Variants in XYLB observed in about 807,000 individuals in gnomAD.
The protein encoded by XYLB is xylulose kinase.
XYLB carries 62 observed loss-of-function variants against 78.7 expected under a neutral mutation model. The ratio of observed to expected loss-of-function variants is 0.79; its 90% confidence interval spans 0.64 to 0.97. The LOEUF is 0.97. XYLB is among the 50% of genes least tolerant of loss of function. XYLB has a pLI of 0.00. For synonymous variants in XYLB, 245 were observed against 247.4 expected, an observed-to-expected ratio of 0.99 and a Z score of 0.09; for missense variants, 687 against 676.8, an observed-to-expected ratio of 1.02 and a Z score of -0.17.
At chr3:38,418,336 C>T (rs1379643290), downstream of XYLB, among the ~76,000 whole-genome samples, 1 of 151,894 alleles carries the variant, frequency 6.6e-6, no homozygotes, top group Admixed American at 6.6e-5. Flanking sequence ...GTTACCATGG[C>T]TGTGGAGAAA....
the XYLB span, among the ~76,000 whole-genome samples, chr3:38,433,464 C>T: frequency 5.9e-5 from 9 of 152,198 alleles, no homozygotes; most frequent in African/African-American, 2.2e-4. Flanking sequence ...TTTTTCTTTC[C>T]TATTGCATCA....
chr3:38,437,945 C>T, the XYLB span, among the ~76,000 whole-genome samples: 1 of 152,302 alleles, frequency 6.6e-6, no homozygotes, highest in Admixed American at 6.5e-5. Flanking sequence ...TGGTGTGCAC[C>T]TGTAGTCCCA....
Position 38,346,823 on chromosome 3 carries a change from T to C in XYLB, c.-46T>C, listed in dbSNP as rs1705082698. On this transcript the variant is annotated 5_prime_UTR_variant, in exon 1 of 19. Coordinates refer to ENST00000207870, the MANE Select transcript of XYLB (RefSeq NM_005108.4). ...GGAGCGCGGCGACTATCACGCCGCGTGGCGGACGGACGGACTGACGGACGC... is the reference window on the plus strand; with the variant it reads ...GGAGCGCGGCGACTATCACGCCGCGCGGCGGACGGACGGACTGACGGACGC... 6.8e-7 allele frequency: 1 copy of C among 1,469,164 alleles called. No individual in the cohort carries two copies. The highest frequency in any genetic ancestry group is 9.0e-7 in the Non-Finnish European group (1 of 1,107,334). The allele number at this position is 1,469,164 out of a possible 1,614,324, so 91.0% of individuals were successfully genotyped here. A position where few individuals can be genotyped will look rare whatever the true frequency, so the allele number is the denominator to read the frequency against.
At position 38,372,646 on chromosome 3, in the gene XYLB, G is replaced by A. The variant is rs370086994; in HGVS notation, c.766-9G>A. ...AACAGAGCACCTTTGCTTTGTCCCC[G>A]TCCCTCAGGGAGCCATTTCTTCCTA... On this transcript the variant is annotated splice_polypyrimidine_tract_variant and intron_variant, in intron 9 of 18. Coordinates refer to ENST00000207870, the MANE Select transcript of XYLB (RefSeq NM_005108.4). 2.1e-4 allele frequency: 334 copies of A among 1,613,940 alleles called. 1 individual carries two copies. Among genetic ancestry groups the A allele is most frequent in the Middle Eastern group, 1.6e-4 (1 of 6,084 alleles).
At chr3:38,418,807 GT>G (rs1338773472), downstream of XYLB, among the ~76,000 whole-genome samples, 3 of 152,140 alleles carry the variant, frequency 2.0e-5, no homozygotes. Context: ...CTTTAACCAT[GT>G]TTTGTAATAA....
At chr3:38,375,629 A>G (rs1257013500) in intron 12 of XYLB, among the ~76,000 whole-genome samples, 1 of 152,024 alleles carries the variant, frequency 6.6e-6, no homozygotes, top group Non-Finnish European at 1.5e-5. Context: ...CATGTGGTGG[A>G]CCCTCAGCAA....
At chr3:38,416,971 A>G (rs1035662645), downstream of XYLB, among the ~76,000 whole-genome samples, 21 of 152,378 alleles carry the variant, frequency 1.4e-4, no homozygotes, top group African/African-American at 4.6e-4. Flanking sequence ...TATGCAAGGA[A>G]AAATGAATAG....
At chr3:38,365,386 G>A (rs1290908898) in intron 5 of XYLB, 101 bp downstream of exon 5, 6 of 1,409,102 alleles carry the variant, frequency 4.3e-6, no homozygotes, top group Admixed American at 1.9e-5. Flanking sequence ...CTGTGCTCAC[G>A]CGCCCTCACC....
chr3:38,435,132 T>A, the XYLB span, among the ~76,000 whole-genome samples: 1 of 152,204 alleles, frequency 6.6e-6, no homozygotes, highest in East Asian at 1.9e-4. Context: ...TAAGACAGAC[T>A]GATCAAATAG....
the XYLB span, among the ~76,000 whole-genome samples, chr3:38,447,877 G>T: frequency 6.6e-6 from 1 of 151,994 alleles, no homozygotes; most frequent in African/African-American, 2.4e-5. Context: ...AACAGATAAA[G>T]AAAATGTAGT....
In XYLB at chr3:38,366,110, T is replaced by TAA. The variant is rs60182601; in HGVS notation, c.507+389_507+390dup. ...CACTTAGTGTAGTGCCTGGCAATGT[T>TAA]AAAAAAAAAAAAAAAAGGAAAAAAA... On this transcript the variant is annotated intron_variant, in intron 6 of 18. Coordinates refer to ENST00000207870, the MANE Select transcript of XYLB (RefSeq NM_005108.4). Among the ~76,000 whole-genome samples, 657 of 138,714 alleles carry TAA rather than the reference T, an allele frequency of 4.7e-3. 47 individuals are homozygous for TAA. The East Asian group carries it at 0.12, about 25-fold the overall frequency. The allele number at this position is 138,714 out of a possible 152,430, so 91.0% of individuals were successfully genotyped here.
chr3:38,413,111 T>G lies in XYLB; in HGVS notation c.*98T>G. On this transcript the variant is annotated 3_prime_UTR_variant, in exon 19 of 19. Transcript: ENST00000207870. Reference sequence around the variant, plus strand: ...GATCCACTTCTCTGTTCTGAACAGCTCTTCCTGCCCCTACTGACTCCTTGG... The same window carrying G: ...GATCCACTTCTCTGTTCTGAACAGCGCTTCCTGCCCCTACTGACTCCTTGG... The G allele has an allele frequency of 8.1e-7, 1 of 1,229,946 alleles. No individual in the cohort carries two copies. Among genetic ancestry groups the G allele is most frequent in the African/African-American group, 1.6e-5 (1 of 63,544 alleles). 76.2% of individuals were successfully genotyped at this position (1,229,946 alleles called of 1,614,324 possible).
chr3:38,441,818 T>A, the XYLB span, among the ~76,000 whole-genome samples: 1 of 152,234 alleles, frequency 6.6e-6, no homozygotes, highest in Admixed American at 6.5e-5. Context: ...TACTTAGGTA[T>A]GCCACTAGTT....
intron 15 of XYLB, among the ~76,000 whole-genome samples, chr3:38,381,453 A>G (rs1317688359): frequency 6.6e-6 from 1 of 152,222 alleles, no homozygotes; most frequent in African/African-American, 2.4e-5. Flanking sequence ...AAAGAACAGG[A>G]TAACAGCAAT....
chr3:38,391,646 T>C (rs1006182413), intron 15 of XYLB, among the ~76,000 whole-genome samples: 11 of 152,162 alleles, frequency 7.2e-5, no homozygotes, highest in Admixed American at 5.9e-4. Flanking sequence ...TGTTAAAAAC[T>C]TAATCCCCAA....
chr3:38,402,680 T>C (rs961845578), intron 18 of XYLB, among the ~76,000 whole-genome samples: 7 of 152,204 alleles, frequency 4.6e-5, no homozygotes, highest in African/African-American at 1.4e-4. Flanking sequence ...ACACCATCTG[T>C]CCTGCCTCCC....
chr3:38,427,051 A>T, the XYLB span, among the ~76,000 whole-genome samples: 11 of 152,364 alleles, frequency 7.2e-5, no homozygotes, highest in East Asian at 5.8e-4. Context: ...CCCATAAAGA[A>T]TGCTTTTAGC....
chr3:38,450,297 C>T, the XYLB span, among the ~76,000 whole-genome samples: 1 of 152,098 alleles, frequency 6.6e-6, no homozygotes, highest in Non-Finnish European at 1.5e-5. Flanking sequence ...GTTTATCTTG[C>T]TAAATGAATG....
chr3:38,362,778 A>G (rs78749733), intron 3 of XYLB, among the ~76,000 whole-genome samples, 159 bp from the exon 4 acceptor site: 1 of 152,214 alleles, frequency 6.6e-6, no homozygotes, highest in Admixed American at 6.5e-5. Flanking sequence ...TTGTTTAATT[A>G]ATGTACTCTA....
Sources: gnomAD v4.1 joint callset for allele counts (sites outside exome capture counted in the v4.1 genomes callset) on GRCh38, gnomAD v4.1.1 for gene constraint, MANE v1.5 for transcripts, NCBI Gene and HGNC (gene_info 2026-07-23, HGNC 2026-07-21) for gene names.